The following SPTBN4 variants were observed in gnomAD, a reference collection of about 807,000 sequenced individuals.
SPTBN4 encodes the protein spectrin beta, non-erythrocytic 4.
In SPTBN4, 96 loss-of-function variants were observed where a neutral mutation model predicts 277.8. The observed-to-expected ratio is 0.35, with a 90% CI of 0.29 to 0.41. SPTBN4 has a LOEUF of 0.41. Ranked by LOEUF, SPTBN4 falls within the 10% of genes least tolerant of loss-of-function variation. The pLI, the probability that SPTBN4 is intolerant of heterozygous loss-of-function variation, is 1.00. For synonymous variants in SPTBN4, 1,481 were observed against 1,580.3 expected (o/e 0.94, Z 1.49); for missense variants, 3,006 against 3,595.7 (o/e 0.84, Z 4.19).
rs901002017 is a variant in SPTBN4, at chr19:40,490,901, G to A, written c.495+653G>A. Reference sequence around the variant, plus strand: ...TAAATAAATTTAAAAAATTAGCCAGGCATGGTGGTGCATGCCTGTGGTCCC... The same window carrying A: ...TAAATAAATTTAAAAAATTAGCCAGACATGGTGGTGCATGCCTGTGGTCCC... On this transcript the variant is annotated intron_variant, in intron 4 of 35. Coordinates refer to ENST00000598249, the MANE Select transcript of SPTBN4 (RefSeq NM_020971.3). The surrounding 1 kb of genome is among the most constrained non-coding windows in gnomAD (Gnocchi z 4.3). 1.3e-5 allele frequency among the ~76,000 whole-genome samples: 2 copies of A among 152,014 alleles called. No homozygotes were observed. The highest frequency in any genetic ancestry group is 2.1e-4 in the South Asian group (1 of 4,818).
intron 4 of SPTBN4, 140 bp from the exon 5 acceptor site, chr19:40,492,823 G>A: frequency 1.5e-6 from 1 of 649,526 alleles, no homozygotes; most frequent in South Asian, 1.8e-5. Flanking sequence ...TCACACTCCT[G>A]GACCCCCACC....
At chr19:40,511,444 A>G (rs912511740) in intron 13 of SPTBN4, among the ~76,000 whole-genome samples, 1 of 152,044 alleles carries the variant, frequency 6.6e-6, no homozygotes, top group Non-Finnish European at 1.5e-5. Context: ...AACAACAGCA[A>G]CAACAACAAA....
At chr19:40,543,323 A>G (rs930757050) in intron 20 of SPTBN4, among the ~76,000 whole-genome samples, 3 of 152,080 alleles carry the variant, frequency 2.0e-5, no homozygotes, top group African/African-American at 7.2e-5. Context: ...TCATTGGCCC[A>G]TCTAAGGTTA....
chr19:40,541,973 G>A (rs2080806975), intron 20 of SPTBN4, among the ~76,000 whole-genome samples: 2 of 152,118 alleles, frequency 1.3e-5, no homozygotes, highest in African/African-American at 2.4e-5. Context: ...CCAGGCTGGA[G>A]TGCAATGGCA....
At chr19:40,504,525 C>T (rs891132404) in intron 12 of SPTBN4, among the ~76,000 whole-genome samples, 3 of 151,990 alleles carry the variant, frequency 2.0e-5, no homozygotes, top group Non-Finnish European at 2.9e-5. Flanking sequence ...AACAATTAGC[C>T]GGGCGTAGTG....
chr19:40,489,753 A>T (rs921404801), intron 3 of SPTBN4, among the ~76,000 whole-genome samples: 1 of 150,654 alleles, frequency 6.6e-6, no homozygotes, highest in Non-Finnish European at 1.5e-5. Flanking sequence ...GGCTGAGACT[A>T]TGGGCTAGGA....
At chr19:40,508,642 C>T (rs1279903126) in intron 13 of SPTBN4, among the ~76,000 whole-genome samples, 7 of 152,196 alleles carry the variant, frequency 4.6e-5, no homozygotes, top group South Asian at 2.1e-4. Flanking sequence ...GAGCCTAGAT[C>T]GTGCCACTGC....
rs753132259 is a variant in SPTBN4, at chr19:40,483,450, AT to A, written c.170-4246del. On this transcript the variant is annotated intron_variant, in intron 2 of 35. Coordinates refer to ENST00000598249, the MANE Select transcript of SPTBN4 (RefSeq NM_020971.3). ...TTAAAAATACAATTTTTTAAAAAAAATATTGCTTCTTACTCTAGCAGTAGAA... is the reference window on the plus strand; with the variant it reads ...TTAAAAATACAATTTTTTAAAAAAAAATTGCTTCTTACTCTAGCAGTAGAA... Among the ~76,000 whole-genome samples the A allele has an allele frequency of 8.5e-5, 13 of 152,324 alleles. No individual in the cohort carries two copies. In the East Asian group the frequency reaches 2.5e-3, roughly 29 times the overall value.
At chr19:40,525,533 C>T (rs182194551) in intron 17 of SPTBN4, among the ~76,000 whole-genome samples, 13 of 152,186 alleles carry the variant, frequency 8.5e-5, no homozygotes, top group Admixed American at 2.6e-4. Context: ...CTCAGCAAAA[C>T]GAGGAGGAGG....
intron 21 of SPTBN4, 115 bp from the exon 22 acceptor site, chr19:40,550,123 A>G (rs1042728024): frequency 1.3e-5 from 10 of 761,340 alleles, no homozygotes; most frequent in Non-Finnish European, 1.9e-5. Flanking sequence ...TGAATATTCA[A>G]CTGGGCTCTT....
chr19:40,512,895 G>T lies in SPTBN4; in HGVS notation c.2106G>T (p.Lys702Asn), dbSNP rs775806674. Residue 702 changes from lysine (K) to asparagine (N), a missense_variant, in exon 14 of 36, where the codon AAG (lysine) becomes AAT (asparagine). Lys to Asn is a moderately conservative substitution (Grantham distance 94). Transcript: ENST00000598249. ...SSTARLLAQH[K>N]ILQGELGGRR... is the part of the protein sequence containing the mutation. ...CAGCGCGCCTCCTGGCCCAGCACAA[G>T]ATCCTGCAGGGCGAGCTGGGCGGGC... is the stretch of plus-strand genomic sequence containing the variant. 3 of 1,437,900 alleles carry T rather than the reference G, an allele frequency of 2.1e-6. No individual in the cohort carries two copies. Among genetic ancestry groups the T allele is most frequent in the East Asian group, 6.0e-5 (2 of 33,304 alleles). 89.1% of individuals were successfully genotyped at this position (1,437,900 alleles called of 1,614,324 possible).
intron 30 of SPTBN4, among the ~76,000 whole-genome samples, chr19:40,567,435 A>G (rs529073540): frequency 6.6e-6 from 1 of 152,302 alleles, no homozygotes; most frequent in South Asian, 2.1e-4. Flanking sequence ...AATTTTTAAA[A>G]AAGTGATTTA....
chr19:40,554,331 C>G lies in SPTBN4; in HGVS notation c.4859C>G (p.Ala1620Gly). ...AERRQQVLDA[A>G]FQVEQYYFDV... ...CGACGGCAGCAGGTGCTGGACGCCG[C>G]CTTCCAGGTGGAGCAGTACTACTTC... Residue 1620 changes from alanine to glycine, a missense_variant, in exon 23 of 36, where the codon GCC becomes GGC. Physicochemically the swap from Ala to Gly is moderately conservative, Grantham distance 60. Coordinates refer to ENST00000598249, the MANE Select transcript of SPTBN4 (RefSeq NM_020971.3). The surrounding 1 kb of genome is among the most constrained non-coding windows in gnomAD (Gnocchi z 5.7). 1 of 1,562,228 alleles carries G rather than the reference C, an allele frequency of 6.4e-7. No homozygotes were observed. The highest frequency in any genetic ancestry group is 8.6e-7 in the Non-Finnish European group (1 of 1,160,598).
At chr19:40,479,091 A>G (rs1253828445) in intron 2 of SPTBN4, among the ~76,000 whole-genome samples, 2 of 151,732 alleles carry the variant, frequency 1.3e-5, no homozygotes, top group African/African-American at 2.4e-5. Context: ...CAGCTCTCTC[A>G]TGGTTTTTCT....
chr19:40,493,126 C>T, intron 5 of SPTBN4, 72 bp downstream of exon 5: 1 of 1,433,576 alleles, frequency 7.0e-7, no homozygotes, highest in Non-Finnish European at 9.8e-7. Flanking sequence ...CCTTCCCAGA[C>T]AAGAGCTCAA....
intron 30 of SPTBN4, 94 bp downstream of exon 30, chr19:40,566,453 C>A (rs1599819437): frequency 8.1e-7 from 1 of 1,231,150 alleles, no homozygotes; most frequent in South Asian, 1.7e-5. Flanking sequence ...AGACATGGTG[C>A]TTGGTCCTGT....
chr19:40,571,987 G>T (rs1347486454), intron 33 of SPTBN4, 32 bp from the exon 34 acceptor site: 1 of 1,515,816 alleles, frequency 6.6e-7, no homozygotes, highest in African/African-American at 1.4e-5. Flanking sequence ...GAGTGCTGCG[G>T]CTCTGCCTTG....
rs773865625 is a variant in SPTBN4, at chr19:40,554,502, C to G, written c.4954-14C>G. 9 of 1,480,302 alleles carry G rather than the reference C, an allele frequency of 6.1e-6. No individual in the cohort carries two copies. The African/African-American group carries it at 8.5e-5, about 14-fold the overall frequency. 91.7% of individuals were successfully genotyped at this position (1,480,302 alleles called of 1,614,324 possible). On this transcript the variant is annotated splice_polypyrimidine_tract_variant and intron_variant, in intron 23 of 35. Coordinates refer to ENST00000598249, the MANE Select transcript of SPTBN4 (RefSeq NM_020971.3). The surrounding 1 kb of genome is among the most constrained non-coding windows in gnomAD (Gnocchi z 5.7). ...CGCCGCTGCCGCCTCATCGTGGGCG[C>G]TTTGTGCCCCCAGGACGAACAGAGC...
rs900155104 is a variant in SPTBN4 at position 40,567,833 on chromosome 19, G to A, written c.6507G>A (p.Ser2169=). 5 of 1,522,368 alleles carry A rather than the reference G, an allele frequency of 3.3e-6. No individual in the cohort carries two copies. The highest frequency in any genetic ancestry group is 1.4e-5 in the African/African-American group (1 of 69,790). The allele number at this position is 1,522,368 out of a possible 1,614,324, so 94.3% of individuals were successfully genotyped here. The part of the protein sequence containing the change: ...PLARRASDTL[S]AEVRTRVGYV... ...CCCGCCGAGCCTCGGACACGCTCTCGGCCGAGGTGCGGACTCGGGTGGGGT... is the reference window on the plus strand; with the variant it reads ...CCCGCCGAGCCTCGGACACGCTCTCAGCCGAGGTGCGGACTCGGGTGGGGT... The change falls in exon 31 of 36, where the codon TCG becomes TCA. Residue 2169 remains serine, a synonymous_variant. Coordinates refer to ENST00000598249, the MANE Select transcript of SPTBN4 (RefSeq NM_020971.3).
Sources: allele counts gnomAD v4.1 joint callset (sites outside exome capture counted in the v4.1 genomes callset), GRCh38; gene constraint gnomAD v4.1.1; non-coding constraint Gnocchi (gnomAD v3.1); transcripts MANE v1.5; gene names NCBI Gene and HGNC (gene_info 2026-07-23, HGNC 2026-07-21).